Variants in GPN3 observed in about 807,000 individuals in gnomAD.
GPN3 encodes GPN-loop GTPase 3, also known as ATP-binding domain 1 family member C.
Under a neutral mutation model 38.7 loss-of-function variants are expected in GPN3, and 31 were observed. That is an observed-to-expected ratio of 0.80 (90% CI 0.60 to 1.08). The LOEUF (loss-of-function observed/expected upper bound fraction) is 1.08, where lower values mean the gene tolerates loss of function less well. GPN3 is among the 50% of genes least tolerant of loss of function. The pLI is 0.00. For missense variants in GPN3, 301 were observed against 354.4 expected (o/e 0.85, Z 1.21); for synonymous variants, 116 against 120.2 (o/e 0.96, Z 0.23).
intron 1 of GPN3, 80 bp downstream of exon 1, chr12:110,468,076 G>C (rs1379249325): frequency 6.2e-7 from 1 of 1,606,976 alleles, no homozygotes; most frequent in Non-Finnish European, 8.5e-7. Flanking sequence ...ACACACACCC[G>C]CCGGCTCACT....
intron 6 of GPN3, among the ~76,000 whole-genome samples, chr12:110,455,116 G>A (rs193213398): frequency 3.3e-5 from 5 of 151,384 alleles, no homozygotes; most frequent in East Asian, 2.0e-4. Flanking sequence ...AAGTCACCGC[G>A]CCTGGCCTAA....
Position 110,465,131 on chromosome 12 carries a change from T to G in GPN3, c.132A>C (p.Glu44Asp), listed in dbSNP as rs1345849162. Residue 44 changes from glutamate (E) to aspartate (D), a missense_variant, in exon 2 of 8, where the codon GAA becomes GAC. By Grantham distance (45) the Glu-to-Asp change is conservative. Transcript: ENST00000228827. The stretch of plus-strand genomic sequence containing the variant: ...CAGCCATCACGGAGTAGTTGAAGTG[T>G]TCTGCTGCTGGATCCAGGTTTACAA... The part of the protein sequence containing the change: ...VQVVNLDPAA[E>D]HFNYSVMADI... 6.2e-7 allele frequency: 1 copy of G among 1,603,732 alleles called. No homozygotes were observed. Among genetic ancestry groups the G allele is most frequent in the East Asian group, 2.2e-5 (1 of 44,862 alleles).
chr12:110,466,677 G>T (rs1447551903), intron 1 of GPN3, among the ~76,000 whole-genome samples: 1 of 152,020 alleles, frequency 6.6e-6, no homozygotes, highest in Non-Finnish European at 1.5e-5. Context: ...TGTATTTTTG[G>T]TAGAGACAGG....
intron 2 of GPN3, among the ~76,000 whole-genome samples, chr12:110,463,829 C>A (rs1288080525): frequency 6.6e-6 from 1 of 151,200 alleles, no homozygotes; most frequent in Non-Finnish European, 1.5e-5. Context: ...TCAATCCTTT[C>A]CTCTTCTTAA....
chr12:110,468,005 C>T (rs959180101), intron 1 of GPN3, 151 bp downstream of exon 1: 50 of 1,108,492 alleles, frequency 4.5e-5, no homozygotes, highest in Non-Finnish European at 6.7e-5. Context: ...AAAACAACAA[C>T]AAAAAAGAAC....
At position 110,455,523 on chromosome 12, in the gene GPN3, G is replaced by A. The variant is rs941697704; in HGVS notation, c.663+63C>T. On this transcript the variant is annotated intron_variant, in intron 6 of 7. Coordinates refer to ENST00000228827, the MANE Select transcript of GPN3 (RefSeq NM_016301.4). ...AATCTTGCTGCCTTGGCCTGCCAAAGTGCTAGGGTTACAGGCATTAGCCAC... is the reference window on the plus strand; with the variant it reads ...AATCTTGCTGCCTTGGCCTGCCAAAATGCTAGGGTTACAGGCATTAGCCAC... 7 of 738,184 alleles carry A rather than the reference G, an allele frequency of 9.5e-6. No homozygotes were observed. The Admixed American group carries it at 1.1e-4, about 11-fold the overall frequency. The allele number at this position is 738,184 out of a possible 1,614,324, so 45.7% of individuals were successfully genotyped here. A position where few individuals can be genotyped will look rare whatever the true frequency, so the allele number is the denominator to read the frequency against.
chr12:110,455,761 A>T, intron 5 of GPN3, 54 bp downstream of exon 5: 1 of 1,061,794 alleles, frequency 9.4e-7, no homozygotes, highest in South Asian at 1.3e-5. Flanking sequence ...AATAAAACAG[A>T]AGGTTCATCT....
rs1203381236 is a variant in GPN3 at position 110,453,029 on chromosome 12, ACTCTT to A, written c.855_*4del. 1 of 1,274,732 alleles carries A rather than the reference ACTCTT, an allele frequency of 7.8e-7. No homozygotes were observed. The highest frequency in any genetic ancestry group is 1.1e-6 in the Non-Finnish European group (1 of 869,956). The allele number at this position is 1,274,732 out of a possible 1,614,324, so 79.0% of individuals were successfully genotyped here. On this transcript the variant is annotated stop_lost and 3_prime_UTR_variant, in exon 8 of 8. Coordinates refer to ENST00000228827, the MANE Select transcript of GPN3 (RefSeq NM_016301.4). ...CTCTTTAGATGGTTACTTTTAGTAA[ACTCTT>A]CATTCATCCTGGCATTCTTGAAAAT...
chr12:110,460,097 T>C (rs1592964179), intron 2 of GPN3, among the ~76,000 whole-genome samples: 1 of 152,220 alleles, frequency 6.6e-6, no homozygotes, highest in East Asian at 1.9e-4. Context: ...TCTCTTTAAG[T>C]ATTAATAATA....
At chr12:110,462,277 C>T (rs1283530731) in intron 2 of GPN3, among the ~76,000 whole-genome samples, 3 of 152,122 alleles carry the variant, frequency 2.0e-5, no homozygotes, top group Non-Finnish European at 2.9e-5. Context: ...ATCTGCCTCC[C>T]CGCAACCTGC....
chr12:110,460,380 T>C (rs1304058435), intron 2 of GPN3, among the ~76,000 whole-genome samples: 2 of 152,312 alleles, frequency 1.3e-5, no homozygotes, highest in East Asian at 3.9e-4. Context: ...TTATGAACCA[T>C]GTGAATATGT....
At chr12:110,466,077 CAAAAAAAA>C (rs879788319) in intron 1 of GPN3, among the ~76,000 whole-genome samples, 1 of 122,158 alleles carries the variant, frequency 8.2e-6, no homozygotes, top group Non-Finnish European at 1.8e-5. Context: ...ACTCCTGGCT[CAAAAAAAA>C]AAAAAAGTCT....
At chr12:110,465,353 C>T in intron 1 of GPN3, 139 bp from the exon 2 acceptor site, 1 of 655,184 alleles carries the variant, frequency 1.5e-6, no homozygotes, top group Non-Finnish European at 2.8e-6. Context: ...GAAAAAGATA[C>T]CTGACTGGGC....
intron 1 of GPN3, among the ~76,000 whole-genome samples, chr12:110,466,840 C>T (rs886594295): frequency 3.3e-5 from 5 of 152,188 alleles, no homozygotes; most frequent in Admixed American, 1.3e-4. Context: ...TTTGTCTTCC[C>T]CAAAAGACTA....
At chr12:110,454,910 C>CCTCCTGGGTTCCAGCAACT (rs2062539056) in intron 6 of GPN3, among the ~76,000 whole-genome samples, 1 of 151,678 alleles carries the variant, frequency 6.6e-6, no homozygotes, top group African/African-American at 2.4e-5. Flanking sequence ...GCAACCTCCA[C>CCTCCTGGGTTCCAGCAACT]CTCCTGGGTT....
upstream of GPN3, chr12:110,468,651 T>C (rs2062656072): frequency 6.5e-7 from 1 of 1,536,990 alleles, no homozygotes; most frequent in Admixed American, 2.0e-5. Context: ...ATTTCCCTCC[T>C]GTGACGCACT....
At chr12:110,467,257 T>C (rs771071732) in intron 1 of GPN3, among the ~76,000 whole-genome samples, 1 of 152,122 alleles carries the variant, frequency 6.6e-6, no homozygotes, top group Non-Finnish European at 1.5e-5. Flanking sequence ...CCCAAAGTGA[T>C]AGGATTACAG....
intron 3 of GPN3, 112 bp downstream of exon 3, chr12:110,459,583 G>A (rs2062572876): frequency 1.3e-6 from 1 of 770,000 alleles, no homozygotes; most frequent in Non-Finnish European, 2.2e-6. Context: ...AATAAGCTTG[G>A]TACTTTACTG....
At chr12:110,463,926 C>T (rs2062609781) in intron 2 of GPN3, among the ~76,000 whole-genome samples, 1 of 152,246 alleles carries the variant, frequency 6.6e-6, no homozygotes, top group African/African-American at 2.4e-5. Context: ...TTCTTTCAGA[C>T]ATTACGCTTT....
Sources: allele counts gnomAD v4.1 joint callset (sites outside exome capture counted in the v4.1 genomes callset), GRCh38; gene constraint gnomAD v4.1.1; transcripts MANE v1.5; gene names NCBI Gene and HGNC (gene_info 2026-07-23, HGNC 2026-07-21).